ESPN: variants seen among roughly 807,000 people sequenced by gnomAD.
ESPN encodes the protein espin.
ESPN carries 68 observed loss-of-function variants against 77.7 expected under a neutral mutation model. That is an observed-to-expected ratio of 0.87 (90% CI 0.72 to 1.07). The LOEUF (loss-of-function observed/expected upper bound fraction) is 1.07. Ranked by LOEUF, ESPN falls within the 50% of genes least tolerant of loss-of-function variation. The probability of loss-of-function intolerance (pLI) is 0.00; values close to 1 mark genes in which losing one functional copy is unlikely to be tolerated. For missense variants in ESPN, 1,060 were observed against 1,239.0 expected, an observed-to-expected ratio of 0.86 and a Z score of 2.17; for synonymous variants, 449 against 567.1, an observed-to-expected ratio of 0.79 and a Z score of 2.96.
chr1:6,440,388 C>A lies in ESPN; in HGVS notation c.623C>A (p.Thr208Asn). Residue 208 changes from threonine (T) to asparagine (N), a missense_variant, in exon 3 of 13, where the codon ACC (threonine) becomes AAC (asparagine). Physicochemically the swap from Thr to Asn is moderately conservative, Grantham distance 65. Coordinates refer to ENST00000645284, the MANE Select transcript of ESPN (RefSeq NM_031475.3). ...DPHARAHDGM[T>N]PLHAAAQMGH... ...CACGCGCGCGCCCACGACGGCATGA[C>A]CCCGCTGCACGCCGCGGCGCAGATG... The A allele has an allele frequency of 1.3e-6, 2 of 1,587,526 alleles. No individual in the cohort carries two copies. The highest frequency in any genetic ancestry group is 1.7e-6 in the Non-Finnish European group (2 of 1,168,306).
At chr1:6,438,148 G>A (rs1569630967) in intron 2 of ESPN, among the ~76,000 whole-genome samples, 2 of 152,258 alleles carry the variant, frequency 1.3e-5, no homozygotes, top group African/African-American at 2.4e-5. Context: ...CCAATAGGTC[G>A]CGGCCCCCAA....
chr1:6,441,625 A>G (rs1008791728), intron 5 of ESPN, among the ~76,000 whole-genome samples: 13 of 152,238 alleles, frequency 8.5e-5, no homozygotes, highest in African/African-American at 2.7e-4. Flanking sequence ...CCATGAAGTG[A>G]CCCAATGGGA....
At chr1:6,452,209 T>C in intron 10 of ESPN, 113 bp downstream of exon 10, 1 of 1,285,776 alleles carries the variant, frequency 7.8e-7, no homozygotes, top group Non-Finnish European at 1.0e-6. Context: ...TTTCTTTTTT[T>C]TTTTTCTTTT....
At position 6,428,004 on chromosome 1, in the gene ESPN, G is replaced by A. The variant is rs1307786488; in HGVS notation, c.295-222G>A. On this transcript the variant is annotated intron_variant, in intron 1 of 12. Coordinates refer to ENST00000645284, the MANE Select transcript of ESPN (RefSeq NM_031475.3). This position sits in a 1 kb window ranked among gnomAD's most constrained non-coding sequence, Gnocchi z 5.4. Reference sequence around the variant, plus strand: ...CTGCACGGTGCTGCCTATTGGCTACGGTTCAGAGAGGGCCAGTTAGTTGCC... The same window carrying A: ...CTGCACGGTGCTGCCTATTGGCTACAGTTCAGAGAGGGCCAGTTAGTTGCC... 2.0e-5 allele frequency among the ~76,000 whole-genome samples: 3 copies of A among 152,330 alleles called. No homozygotes were observed. The highest frequency in any genetic ancestry group is 3.4e-3 in the Middle Eastern group (1 of 294).
chr1:6,437,072 G>A lies in ESPN; in HGVS notation c.489-3182G>A, dbSNP rs1301167309. ...GCTCTGACTCCATAATGGGGCGTGTGAGTGCAGATGGTGGAATACTAACGA... is the reference window on the plus strand; with the variant it reads ...GCTCTGACTCCATAATGGGGCGTGTAAGTGCAGATGGTGGAATACTAACGA... On this transcript the variant is annotated intron_variant, in intron 2 of 12. Coordinates refer to ENST00000645284, the MANE Select transcript of ESPN (RefSeq NM_031475.3). The surrounding 1 kb of genome is among the most constrained non-coding windows in gnomAD (Gnocchi z 4.5). Among the ~76,000 whole-genome samples the A allele has an allele frequency of 1.3e-5, 2 of 152,184 alleles. No homozygotes were observed. The highest frequency in any genetic ancestry group is 4.8e-5 in the African/African-American group (2 of 41,438).
chr1:6,444,630 C>T lies in ESPN; in HGVS notation c.1140C>T (p.Tyr380=), dbSNP rs764908541. 1.9e-5 allele frequency: 30 copies of T among 1,614,066 alleles called. No individual in the cohort carries two copies. The highest frequency in any genetic ancestry group is 1.3e-4 in the East Asian group (6 of 44,900). ...CGCCTACCAGCACCCTCTCCAACTA[C>T]GACTCCTGCTCCTCCAGCCACTCCA... The part of the protein sequence containing the change: ...LSSPTSTLSN[Y]DSCSSSHSSI... Residue 380 remains tyrosine (Y), a synonymous_variant, in exon 6 of 13, where the codon TAC becomes TAT. Coordinates refer to ENST00000645284, the MANE Select transcript of ESPN (RefSeq NM_031475.3).
At chr1:6,441,436 T>G (rs1436630426) in intron 5 of ESPN, among the ~76,000 whole-genome samples, 6 of 152,080 alleles carry the variant, frequency 3.9e-5, no homozygotes, top group African/African-American at 7.2e-5. Context: ...ATGGATAAAG[T>G]GAGTCTGCGG....
At position 6,460,403 on chromosome 1, in the gene ESPN, C is replaced by T. The variant is rs986761775; in HGVS notation, c.*257C>T. ...CAACAAATGCTGCTTATTTGCATGC[C>T]GACTTACATATATTTGCATGTTCGT... On this transcript the variant is annotated 3_prime_UTR_variant, in exon 13 of 13. Transcript: ENST00000645284. 3 of 521,110 alleles carry T rather than the reference C, an allele frequency of 5.8e-6. No individual in the cohort carries two copies. The highest frequency in any genetic ancestry group is 1.9e-5 in the African/African-American group (1 of 52,326). 32.3% of individuals were successfully genotyped at this position (521,110 alleles called of 1,614,324 possible). A position where few individuals can be genotyped will look rare whatever the true frequency, so the allele number is the denominator to read the frequency against.
At chr1:6,439,649 G>A (rs371575911) in intron 2 of ESPN, among the ~76,000 whole-genome samples, 71 of 152,268 alleles carry the variant, frequency 4.7e-4, no homozygotes, top group African/African-American at 1.5e-3. Flanking sequence ...AGCAGGTGTG[G>A]GGATTCATGG....
At chr1:6,441,152 G>C in intron 5 of ESPN, 87 bp downstream of exon 5, 1 of 1,537,988 alleles carries the variant, frequency 6.5e-7, no homozygotes, top group Non-Finnish European at 8.8e-7. Context: ...TTACCAAGGA[G>C]GAAGCTGAGG....
intron 5 of ESPN, among the ~76,000 whole-genome samples, chr1:6,444,266 C>T (rs1332341948): frequency 2.0e-5 from 3 of 152,122 alleles, no homozygotes; most frequent in Non-Finnish European, 4.4e-5. Flanking sequence ...GAGGGAGTTT[C>T]CCAGGAACCT....
rs758386750 is a variant in ESPN at position 6,448,723 on chromosome 1, C to T, written c.1547C>T (p.Thr516Met). Residue 516 changes from threonine to methionine, a missense_variant, in exon 8 of 13, where the codon ACG (threonine) becomes ATG (methionine). Thr to Met is a moderately conservative substitution (Grantham distance 81). Coordinates refer to ENST00000645284, the MANE Select transcript of ESPN (RefSeq NM_031475.3). ...KPRAFSKQPSTGDYYRQLGRC... is the reference protein window; with the variant it reads ...KPRAFSKQPSMGDYYRQLGRC... ...CGCGCCTTCAGCAAGCAGCCCAGCA[C>T]GGGGGACTACTACCGGCAGCTGGGC... 9.3e-6 allele frequency: 14 copies of T among 1,499,548 alleles called. No individual in the cohort carries two copies. The highest frequency in any genetic ancestry group is 9.7e-6 in the Non-Finnish European group (11 of 1,133,324). The allele number at this position is 1,499,548 out of a possible 1,614,324, so 92.9% of individuals were successfully genotyped here.
chr1:6,438,693 G>A (rs370801725), intron 2 of ESPN, among the ~76,000 whole-genome samples: 1 of 152,266 alleles, frequency 6.6e-6, no homozygotes, highest in East Asian at 1.9e-4. Context: ...GACTATGGGT[G>A]ATGGCACAGA....
At chr1:6,457,307 G>C (rs1346085328) in intron 11 of ESPN, 44 bp downstream of exon 11, 1 of 1,614,082 alleles carries the variant, frequency 6.2e-7, no homozygotes, top group Non-Finnish European at 8.5e-7. Flanking sequence ...AGGGTGTCTT[G>C]ACTGCGTCCC....
intron 12 of ESPN, among the ~76,000 whole-genome samples, chr1:6,459,731 G>A (rs1230234311): frequency 6.6e-6 from 1 of 152,110 alleles, no homozygotes. Context: ...GTGCCACACA[G>A]TGACCCAGCA....
chr1:6,449,170 C>T, intron 8 of ESPN, 79 bp downstream of exon 8: 1 of 1,342,102 alleles, frequency 7.5e-7, no homozygotes, highest in South Asian at 1.6e-5. Flanking sequence ...GCCCCCTCCC[C>T]AGCTGTCACT....
intron 6 of ESPN, among the ~76,000 whole-genome samples, chr1:6,445,094 T>C (rs1643779667): frequency 6.7e-6 from 1 of 149,162 alleles, no homozygotes; most frequent in South Asian, 2.1e-4. Context: ...ACTACAGATA[T>C]GCACGCACAC....
At chr1:6,456,982 T>C (rs966203521) in intron 10 of ESPN, among the ~76,000 whole-genome samples, 2 of 152,260 alleles carry the variant, frequency 1.3e-5, no homozygotes, top group African/African-American at 2.4e-5. Context: ...TGGTGCCTCC[T>C]GTAGGACATG....
At chr1:6,458,283 G>T (rs1298648121) in intron 12 of ESPN, among the ~76,000 whole-genome samples, 1 of 151,980 alleles carries the variant, frequency 6.6e-6, no homozygotes, top group African/African-American at 2.4e-5. Flanking sequence ...CTCCCAAAGT[G>T]CTGGGATTAT....
Sources: gnomAD v4.1 joint callset for allele counts (sites outside exome capture counted in the v4.1 genomes callset) on GRCh38, gnomAD v4.1.1 for gene constraint, Gnocchi (gnomAD v3.1) non-coding constraint, MANE v1.5 for transcripts, NCBI Gene and HGNC (gene_info 2026-07-23, HGNC 2026-07-21) for gene names.